FHIT: variants seen among roughly 807,000 people sequenced by gnomAD.
FHIT encodes bis(5'-adenosyl)-triphosphatase.
A neutral mutation model predicts 17.9 loss-of-function variants in FHIT; 19 were observed. The ratio of observed to expected loss-of-function variants is 1.06; its 90% confidence interval spans 0.74 to 1.56. The LOEUF (loss-of-function observed/expected upper bound fraction) is 1.56, where lower values mean the gene tolerates loss of function less well. Ranked by LOEUF, FHIT falls within the 40% of genes most tolerant of loss-of-function variation. The pLI, the probability that FHIT is intolerant of heterozygous loss-of-function variation, is 0.00. For missense variants in FHIT, 248 were observed against 189.2 expected, an observed-to-expected ratio of 1.31 and a Z score of -1.82; for synonymous variants, 81 against 69.7, an observed-to-expected ratio of 1.16 and a Z score of -0.81.
intron 3 of FHIT, among the ~76,000 whole-genome samples, chr3:60,890,656 C>A (rs1705469188): frequency 6.6e-6 from 1 of 152,096 alleles, no homozygotes; most frequent in Admixed American, 6.6e-5. Flanking sequence ...GTGTGGAATG[C>A]CTAGGAGCAG....
At chr3:60,496,609 T>G (rs546925551) in intron 5 of FHIT, among the ~76,000 whole-genome samples, 1 of 152,248 alleles carries the variant, frequency 6.6e-6, no homozygotes, top group African/African-American at 2.4e-5. Flanking sequence ...AATGTGTACC[T>G]TACAACATGG....
Position 60,625,014 on chromosome 3 carries a change from T to C in FHIT, c.-17-88035A>G, listed in dbSNP as rs541546800. Among the ~76,000 whole-genome samples, 5 of 152,216 alleles carry C rather than the reference T, an allele frequency of 3.3e-5. No homozygotes were observed. In the East Asian group the frequency reaches 9.7e-4, roughly 29 times the overall value. ...ATCTCCGCCTCTCAGGCTCAAGCAATCCTCCCACTTCAGCCTCCCAAGTAT... is the reference window on the plus strand; with the variant it reads ...ATCTCCGCCTCTCAGGCTCAAGCAACCCTCCCACTTCAGCCTCCCAAGTAT... On this transcript the variant is annotated intron_variant, in intron 4 of 9. Transcript: ENST00000492590.
At chr3:60,337,226 G>A (rs1192565725) in intron 5 of FHIT, among the ~76,000 whole-genome samples, 1 of 152,012 alleles carries the variant, frequency 6.6e-6, no homozygotes, top group South Asian at 2.1e-4. Context: ...AGGAAAAATC[G>A]CAAGGTGTGC....
At chr3:60,487,493 G>A (rs766704837) in intron 5 of FHIT, among the ~76,000 whole-genome samples, 5 of 152,154 alleles carry the variant, frequency 3.3e-5, no homozygotes, top group Non-Finnish European at 7.4e-5. Context: ...CACCTGGAAG[G>A]CTCATCTCCG....
intron 5 of FHIT, among the ~76,000 whole-genome samples, chr3:60,056,553 T>C (rs775542730): frequency 3.9e-5 from 6 of 152,218 alleles, no homozygotes; most frequent in Non-Finnish European, 8.8e-5. Flanking sequence ...TTGATTCAAG[T>C]GCATTACCCG....
chr3:60,405,989 A>G (rs1481377341), intron 5 of FHIT, among the ~76,000 whole-genome samples: 2 of 152,206 alleles, frequency 1.3e-5, no homozygotes, highest in African/African-American at 4.8e-5. Context: ...AACAAATGTA[A>G]AATTCATAGA....
At chr3:60,949,028 T>C (rs1307280615) in intron 3 of FHIT, among the ~76,000 whole-genome samples, 1 of 152,132 alleles carries the variant, frequency 6.6e-6, no homozygotes, top group Non-Finnish European at 1.5e-5. Flanking sequence ...TATAGTTGTA[T>C]ATAGTTGAAG....
intron 5 of FHIT, among the ~76,000 whole-genome samples, chr3:60,036,377 T>C (rs1701218059): frequency 6.6e-6 from 1 of 152,170 alleles, no homozygotes; most frequent in Non-Finnish European, 1.5e-5. Context: ...CATGACTCTC[T>C]GAGAACCGTG....
rs116821633 is a variant in FHIT at position 60,525,219 on chromosome 3, G to A, written c.103+11641C>T. On this transcript the variant is annotated intron_variant, in intron 5 of 9. Coordinates refer to ENST00000492590, the MANE Select transcript of FHIT (RefSeq NM_002012.4). ...ACATTGATACTTTGTTGGCTTAAGAGCATGCCAAATTTAGATTAGAAATGA... is the reference window on the plus strand; with the variant it reads ...ACATTGATACTTTGTTGGCTTAAGAACATGCCAAATTTAGATTAGAAATGA... Among the ~76,000 whole-genome samples the A allele has an allele frequency of 7.8e-4, 118 of 152,252 alleles. 1 individual carries two copies. The highest frequency in any genetic ancestry group is 1.3e-3 in the Non-Finnish European group (90 of 68,020).
intron 1 of FHIT, among the ~76,000 whole-genome samples, chr3:61,228,204 A>G (rs908111860): frequency 2.0e-5 from 3 of 152,078 alleles, no homozygotes; most frequent in African/African-American, 7.2e-5. Context: ...CAGGTGCAAG[A>G]AGGGTTTTCT....
At chr3:61,198,895 CGATGATGATGATGATGATGATGAT>C (rs56054524) in intron 2 of FHIT, among the ~76,000 whole-genome samples, 3 of 150,586 alleles carry the variant, frequency 2.0e-5, no homozygotes, top group Non-Finnish European at 3.0e-5. Flanking sequence ...CTGCCGCCGC[CGATGATGATGATGATGATGATGAT>C]GATGATGATG....
chr3:60,220,441 TA>T (rs896966210), intron 5 of FHIT, among the ~76,000 whole-genome samples: 21 of 152,078 alleles, frequency 1.4e-4, no homozygotes, highest in African/African-American at 3.1e-4. Flanking sequence ...TATTAATTAT[TA>T]AAAAAAATAA....
At chr3:61,083,464 C>T (rs2035209381) in intron 2 of FHIT, among the ~76,000 whole-genome samples, 1 of 152,126 alleles carries the variant, frequency 6.6e-6, no homozygotes, top group South Asian at 2.1e-4. Context: ...GTGGCGGGCG[C>T]CTGTAGTCCC....
At chr3:60,067,084 G>T (rs1238141576) in intron 5 of FHIT, among the ~76,000 whole-genome samples, 1 of 152,080 alleles carries the variant, frequency 6.6e-6, no homozygotes, top group Non-Finnish European at 1.5e-5. Context: ...CAAATGCACA[G>T]CATAAGAAGA....
At chr3:59,816,082 C>A (rs1358964424) in intron 8 of FHIT, among the ~76,000 whole-genome samples, 1 of 152,148 alleles carries the variant, frequency 6.6e-6, no homozygotes. Context: ...AAGGCCTGCC[C>A]AGGGTTTCTG....
chr3:60,062,831 T>C (rs929168195), intron 5 of FHIT, among the ~76,000 whole-genome samples: 1 of 152,172 alleles, frequency 6.6e-6, no homozygotes, highest in South Asian at 2.1e-4. Flanking sequence ...AGGAGAGTCA[T>C]GTTCATTAAA....
At chr3:61,095,016 A>G (rs2035595678) in intron 2 of FHIT, among the ~76,000 whole-genome samples, 1 of 152,230 alleles carries the variant, frequency 6.6e-6, no homozygotes, top group South Asian at 2.1e-4. Context: ...AGACCACTGT[A>G]TGTGAGGACT....
intron 5 of FHIT, among the ~76,000 whole-genome samples, chr3:60,056,256 T>C (rs1315703423): frequency 6.6e-6 from 1 of 152,228 alleles, no homozygotes; most frequent in Non-Finnish European, 1.5e-5. Flanking sequence ...TGTAGAAGAT[T>C]TCTCCCAGAA....
At chr3:61,098,768 T>C (rs1037280946) in intron 2 of FHIT, among the ~76,000 whole-genome samples, 6 of 152,350 alleles carry the variant, frequency 3.9e-5, no homozygotes, top group East Asian at 1.9e-4. Context: ...TGTTGGTATA[T>C]AGGAATGTTT....
Sources: gnomAD v4.1 joint callset for allele counts (sites outside exome capture counted in the v4.1 genomes callset) on GRCh38, gnomAD v4.1.1 for gene constraint, MANE v1.5 for transcripts, NCBI Gene and HGNC (gene_info 2026-07-23, HGNC 2026-07-21) for gene names.